The following ADAMTSL1 variants were observed in gnomAD, a reference collection of about 807,000 sequenced individuals.
ADAMTSL1 encodes ADAMTS like 1.
A neutral mutation model predicts 201.8 loss-of-function variants in ADAMTSL1; 126 were observed. The observed-to-expected ratio is 0.62, with a 90% CI of 0.54 to 0.72. ADAMTSL1 has a LOEUF of 0.72. Among genes scored for constraint, ADAMTSL1 ranks in the 30% least tolerant of loss-of-function variants. ADAMTSL1 has a pLI of 0.00. For missense variants in ADAMTSL1, 2,679 were observed against 2,277.8 expected, an observed-to-expected ratio of 1.18 and a Z score of -3.59; for synonymous variants, 1,121 against 903.4, an observed-to-expected ratio of 1.24 and a Z score of -4.32.
intron 9 of ADAMTSL1, among the ~76,000 whole-genome samples, chr9:18,664,411 A>G (rs1829304518): frequency 6.6e-6 from 1 of 152,064 alleles, no homozygotes; most frequent in African/African-American, 2.4e-5. Context: ...TAATGGTCTA[A>G]TAGTAAAATC....
intron 11 of ADAMTSL1, among the ~76,000 whole-genome samples, 168 bp from the exon 12 acceptor site, chr9:18,681,644 C>G: frequency 8.1e-6 from 1 of 124,188 alleles, no homozygotes; most frequent in Non-Finnish European, 1.6e-5. Context: ...CCAAATAGAA[C>G]AAAGATCCCT....
At chr9:18,564,972 A>G (rs1466758891) in intron 3 of ADAMTSL1, among the ~76,000 whole-genome samples, 1 of 152,230 alleles carries the variant, frequency 6.6e-6, no homozygotes, top group African/African-American at 2.4e-5. Context: ...CAAAAGAGAA[A>G]AAGTAAAAGC....
chr9:18,566,718 G>A (rs1821921331), intron 3 of ADAMTSL1, among the ~76,000 whole-genome samples: 2 of 152,140 alleles, frequency 1.3e-5, no homozygotes, highest in African/African-American at 4.8e-5. Flanking sequence ...AAGGGTGACT[G>A]GAGCTAAGTG....
At chr9:18,009,585 TC>T in intron 1 of ADAMTSL1, among the ~76,000 whole-genome samples, 1 of 152,162 alleles carries the variant, frequency 6.6e-6, no homozygotes, top group East Asian at 1.9e-4. Flanking sequence ...CTACTTTTTC[TC>T]TGGTTTTCAG....
intron 15 of ADAMTSL1, among the ~76,000 whole-genome samples, chr9:18,739,899 CTG>C (rs5896804): frequency 0.43 from 63,651 of 147,954 alleles, 14,610 homozygotes; most frequent in Non-Finnish European, 0.53. Context: ...TGTCTACTAT[CTG>C]TGTGTGTGTG....
At chr9:18,405,723 A>T (rs1039963730) in intron 2 of ADAMTSL1, among the ~76,000 whole-genome samples, 3 of 152,206 alleles carry the variant, frequency 2.0e-5, no homozygotes, top group African/African-American at 7.2e-5. Flanking sequence ...GCAGTAACTA[A>T]GATTTTATAC....
chr9:18,272,155 T>C (rs1832395852), intron 2 of ADAMTSL1, among the ~76,000 whole-genome samples: 1 of 152,180 alleles, frequency 6.6e-6, no homozygotes, highest in Admixed American at 6.6e-5. Context: ...TAGTTTCTTT[T>C]GCTGTGCAGA....
At chr9:18,225,327 A>G (rs1830401794) in intron 2 of ADAMTSL1, among the ~76,000 whole-genome samples, 1 of 152,196 alleles carries the variant, frequency 6.6e-6, no homozygotes, top group African/African-American at 2.4e-5. Flanking sequence ...ACAGAAGCTT[A>G]GACATAAAGT....
At chr9:18,241,105 C>A (rs1368214385) in intron 2 of ADAMTSL1, among the ~76,000 whole-genome samples, 2 of 152,116 alleles carry the variant, frequency 1.3e-5, no homozygotes, top group South Asian at 2.1e-4. Context: ...TTTTAATTTC[C>A]TTCAAGAACT....
chr9:18,594,468 C>T (rs1022341847), intron 4 of ADAMTSL1, among the ~76,000 whole-genome samples: 1 of 152,050 alleles, frequency 6.6e-6, no homozygotes, highest in Non-Finnish European at 1.5e-5. Context: ...CAAATATTTG[C>T]TTTTTGATGT....
chr9:18,505,957 G>C (rs1035062668), intron 2 of ADAMTSL1, among the ~76,000 whole-genome samples: 1 of 152,150 alleles, frequency 6.6e-6, no homozygotes, highest in Non-Finnish European at 1.5e-5. Context: ...ACAGATATTA[G>C]AAGCCCGATA....
chr9:18,652,992 G>A (rs534001010), intron 7 of ADAMTSL1, among the ~76,000 whole-genome samples: 1 of 152,350 alleles, frequency 6.6e-6, no homozygotes, highest in African/African-American at 2.4e-5. Flanking sequence ...AAGAGAAGAA[G>A]TGAATAGTAA....
intron 20 of ADAMTSL1, among the ~76,000 whole-genome samples, chr9:18,806,639 T>A (rs1262726372): frequency 6.6e-6 from 1 of 152,198 alleles, no homozygotes; most frequent in African/African-American, 2.4e-5. Context: ...CAAACACATA[T>A]GTTCAGATTT....
intron 4 of ADAMTSL1, among the ~76,000 whole-genome samples, chr9:18,578,255 A>G (rs564565779): frequency 2.1e-4 from 32 of 152,296 alleles, no homozygotes; most frequent in Non-Finnish European, 1.8e-4. Context: ...CATTAATATT[A>G]TGAAAACAAT....
intron 20 of ADAMTSL1, among the ~76,000 whole-genome samples, chr9:18,809,347 A>G (rs1333404943): frequency 6.6e-6 from 1 of 152,166 alleles, no homozygotes; most frequent in South Asian, 2.1e-4. Flanking sequence ...GATGTCAGGG[A>G]CAGGGAATGG....
At chr9:18,035,226 A>C (rs2131617991) in intron 1 of ADAMTSL1, among the ~76,000 whole-genome samples, 1 of 152,362 alleles carries the variant, frequency 6.6e-6, no homozygotes, top group East Asian at 1.9e-4. Context: ...TTCTCAGCAT[A>C]GACAGCGGCT....
At chr9:18,456,106 A>G (rs904701138) in intron 2 of ADAMTSL1, among the ~76,000 whole-genome samples, 32 of 152,254 alleles carry the variant, frequency 2.1e-4, no homozygotes, top group African/African-American at 7.7e-4. Context: ...AATCCCAGCT[A>G]AGTGATTCCA....
chr9:18,719,992 T>C (rs1177990397), intron 14 of ADAMTSL1, among the ~76,000 whole-genome samples: 3 of 152,230 alleles, frequency 2.0e-5, no homozygotes, highest in African/African-American at 7.2e-5. Context: ...ACTATAACTA[T>C]ATATAAATGT....
At chr9:17,974,338 T>C (rs1818350007) in intron 1 of ADAMTSL1, among the ~76,000 whole-genome samples, 1 of 152,046 alleles carries the variant, frequency 6.6e-6, no homozygotes, top group South Asian at 2.1e-4. Flanking sequence ...ATTGTATATC[T>C]AGAAAACCCA....
Sources: allele counts gnomAD v4.1 joint callset (sites outside exome capture counted in the v4.1 genomes callset), GRCh38; gene constraint gnomAD v4.1.1; transcripts MANE v1.5; gene names NCBI Gene and HGNC (gene_info 2026-07-23, HGNC 2026-07-21).